The following LRP1B variants were observed in gnomAD, a reference collection of about 807,000 sequenced individuals.
The protein encoded by LRP1B is low-density lipoprotein receptor-related protein 1B.
In LRP1B, 217 loss-of-function variants were observed where a neutral mutation model predicts 556.6. The observed-to-expected ratio is 0.39, with a 90% CI of 0.35 to 0.44. LRP1B has a LOEUF of 0.44. LRP1B is among the 20% of genes least tolerant of loss of function. The probability of loss-of-function intolerance (pLI) is 1.00; values close to 1 mark genes in which losing one functional copy is unlikely to be tolerated. For missense variants in LRP1B, 5,053 were observed against 5,620.8 expected (o/e 0.90, Z 3.23); for synonymous variants, 2,047 against 1,865.8 (o/e 1.10, Z -2.50).
At chr2:141,327,888 G>GAGAC (rs138541506) in intron 3 of LRP1B, among the ~76,000 whole-genome samples, 79,163 of 145,534 alleles carry the variant, frequency 0.54, 21,354 homozygotes, top group Non-Finnish European at 0.59. Flanking sequence ...GAGAGAGAGA[G>GAGAC]AGAGAGAGAG....
At position 140,946,164 on chromosome 2, in the gene LRP1B, C is replaced by T. The variant is rs371027714; in HGVS notation, c.3136+4071G>A. ...AACCACAATGAAATAACATCTCACA[C>T]CAATCAGAATGGCTATTATTAAAAA... On this transcript the variant is annotated intron_variant, in intron 20 of 90. Transcript: ENST00000389484. 9.9e-5 allele frequency among the ~76,000 whole-genome samples: 15 copies of T among 152,134 alleles called. No homozygotes were observed. The East Asian group carries it at 2.7e-3, about 27-fold the overall frequency.
chr2:142,089,432 A>T (rs1476885425), intron 1 of LRP1B, among the ~76,000 whole-genome samples: 2 of 152,252 alleles, frequency 1.3e-5, no homozygotes, highest in African/African-American at 2.4e-5. Context: ...GGGTTGGAAA[A>T]GTCTTCTTGG....
chr2:141,619,893 G>T (rs1427881335), intron 2 of LRP1B, among the ~76,000 whole-genome samples: 2 of 152,070 alleles, frequency 1.3e-5, no homozygotes, highest in Non-Finnish European at 2.9e-5. Flanking sequence ...GATTAAAAGG[G>T]GCTAATGTTG....
At chr2:141,586,666 G>C (rs1483364914) in intron 2 of LRP1B, among the ~76,000 whole-genome samples, 1 of 152,160 alleles carries the variant, frequency 6.6e-6, no homozygotes, top group African/African-American at 2.4e-5. Flanking sequence ...AAGGGGGCCG[G>C]GCGCGGTGGC....
chr2:140,498,780 T>G (rs1017469213), intron 55 of LRP1B, among the ~76,000 whole-genome samples: 2 of 151,906 alleles, frequency 1.3e-5, no homozygotes, highest in Non-Finnish European at 2.9e-5. Flanking sequence ...TATATTTGTG[T>G]GCATAATATA....
intron 2 of LRP1B, among the ~76,000 whole-genome samples, chr2:141,527,546 A>G (rs1248459833): frequency 2.0e-5 from 3 of 152,104 alleles, no homozygotes; most frequent in Admixed American, 2.0e-4. Context: ...TCACCTATAC[A>G]AATGGAATTC....
chr2:140,399,177 A>ACACACACACACACACACAC (rs1339240699), intron 66 of LRP1B, among the ~76,000 whole-genome samples: 2 of 120,200 alleles, frequency 1.7e-5, no homozygotes, highest in African/African-American at 3.5e-5. Flanking sequence ...ACACACACAC[A>ACACACACACACACACACAC]CACACACACA....
intron 3 of LRP1B, among the ~76,000 whole-genome samples, chr2:141,264,367 T>C (rs1203689954): frequency 6.6e-6 from 1 of 152,222 alleles, no homozygotes; most frequent in East Asian, 1.9e-4. Context: ...AAATTTTCTA[T>C]AATTTAGCTG....
chr2:141,979,994 C>T (rs975412675), intron 1 of LRP1B, among the ~76,000 whole-genome samples: 2 of 152,056 alleles, frequency 1.3e-5, no homozygotes, highest in Admixed American at 6.6e-5. Context: ...GAATGATAAA[C>T]GGAGAACCTC....
At chr2:140,874,100 C>G (rs925148374) in intron 25 of LRP1B, among the ~76,000 whole-genome samples, 5 of 151,664 alleles carry the variant, frequency 3.3e-5, no homozygotes, top group Non-Finnish European at 5.9e-5. Context: ...CTGTGTAAGT[C>G]AAAATAAGAA....
chr2:142,006,030 G>C (rs778935237), intron 1 of LRP1B, among the ~76,000 whole-genome samples: 67 of 151,994 alleles, frequency 4.4e-4, no homozygotes, highest in Non-Finnish European at 7.8e-4. Context: ...CTGAAAGCAG[G>C]GGAGAAATTT....
In LRP1B at chr2:141,201,189, C is replaced by T. The variant is rs61483843; in HGVS notation, c.851-12606G>A. On this transcript the variant is annotated intron_variant, in intron 6 of 90. Transcript: ENST00000389484. ...GGGATGATAACACCATAACACGGTGCGAAATAATAGTGACAACTGGTGAGT... is the reference window on the plus strand; with the variant it reads ...GGGATGATAACACCATAACACGGTGTGAAATAATAGTGACAACTGGTGAGT... Among the ~76,000 whole-genome samples the T allele has an allele frequency of 5.2e-3, 791 of 152,118 alleles. 5 individuals carry two copies. The highest frequency in any genetic ancestry group is 0.018 in the African/African-American group (758 of 41,482).
chr2:140,989,578 A>G lies in LRP1B; in HGVS notation c.2724T>C (p.Ala908=). Residue 908 remains alanine (A), a synonymous_variant, in exon 17 of 91, where the codon GCT becomes GCC. Transcript: ENST00000389484. The part of the protein sequence containing the change: ...CIPKRWLCDG[A]NDCGSNEDES... ...CATCTTCATTGCTCCCACAGTCATTAGCTCCATCACAAAGCCATCTCTTGG... is the reference window on the plus strand; with the variant it reads ...CATCTTCATTGCTCCCACAGTCATTGGCTCCATCACAAAGCCATCTCTTGG... The G allele has an allele frequency of 6.2e-7, 1 of 1,613,360 alleles. No homozygotes were observed. Among genetic ancestry groups the G allele is most frequent in the East Asian group, 2.2e-5 (1 of 44,812 alleles).
chr2:140,385,563 T>C (rs1683722436), intron 67 of LRP1B, among the ~76,000 whole-genome samples: 1 of 152,110 alleles, frequency 6.6e-6, no homozygotes, highest in African/African-American at 2.4e-5. Flanking sequence ...GAATGAGATG[T>C]TTTGTAGTGA....
chr2:141,192,025 C>T (rs1681536805), intron 6 of LRP1B, among the ~76,000 whole-genome samples: 1 of 151,962 alleles, frequency 6.6e-6, no homozygotes, highest in Non-Finnish European at 1.5e-5. Context: ...ACAATAGATA[C>T]TGTTACCAGT....
At chr2:141,138,885 T>C (rs1216402420) in intron 7 of LRP1B, among the ~76,000 whole-genome samples, 1 of 151,832 alleles carries the variant, frequency 6.6e-6, no homozygotes, top group Non-Finnish European at 1.5e-5. Context: ...CATAGAAATT[T>C]GAAAGACCTA....
chr2:141,002,524 C>A (rs1478649458), intron 15 of LRP1B, among the ~76,000 whole-genome samples: 1 of 151,996 alleles, frequency 6.6e-6, no homozygotes, highest in East Asian at 1.9e-4. Flanking sequence ...TTGCATATAA[C>A]CTACACATAT....
At chr2:141,937,704 G>A (rs561108436) in intron 1 of LRP1B, among the ~76,000 whole-genome samples, 6 of 151,490 alleles carry the variant, frequency 4.0e-5, no homozygotes, top group East Asian at 1.9e-4. Flanking sequence ...ATGTAGCCCC[G>A]CTTGTTTATT....
chr2:140,496,729 C>A (rs1191905954), intron 55 of LRP1B, among the ~76,000 whole-genome samples: 3 of 151,990 alleles, frequency 2.0e-5, no homozygotes, highest in African/African-American at 7.2e-5. Flanking sequence ...AGAAAATGAA[C>A]CTATACTTGG....
Sources: gnomAD v4.1 joint callset for allele counts (sites outside exome capture counted in the v4.1 genomes callset) on GRCh38, gnomAD v4.1.1 for gene constraint, MANE v1.5 for transcripts, NCBI Gene and HGNC (gene_info 2026-07-23, HGNC 2026-07-21) for gene names.